ZNF398: variants seen among roughly 807,000 people sequenced by gnomAD.
ZNF398 encodes zinc finger DNA binding protein ZER6.
A neutral mutation model predicts 41.9 loss-of-function variants in ZNF398; 18 were observed. The ratio of observed to expected loss-of-function variants is 0.43; its 90% confidence interval spans 0.30 to 0.64. The LOEUF (loss-of-function observed/expected upper bound fraction) is 0.64. Ranked by LOEUF, ZNF398 falls within the 30% of genes least tolerant of loss-of-function variation. The pLI is 0.14. For synonymous variants in ZNF398, 260 were observed against 308.8 expected, an observed-to-expected ratio of 0.84 and a Z score of 1.66; for missense variants, 669 against 822.8, an observed-to-expected ratio of 0.81 and a Z score of 2.29.
At chr7:149,168,299 A>G (rs1795264962) in intron 4 of ZNF398, among the ~76,000 whole-genome samples, 1 of 151,772 alleles carries the variant, frequency 6.6e-6, no homozygotes, top group South Asian at 2.1e-4. Flanking sequence ...ACTGGTCTCG[A>G]ACTCCTGACC....
intron 4 of ZNF398, among the ~76,000 whole-genome samples, 170 bp from the exon 5 acceptor site, chr7:149,176,298 C>T (rs907368547): frequency 3.3e-5 from 5 of 151,976 alleles, no homozygotes; most frequent in African/African-American, 1.2e-4. Flanking sequence ...AGTGAGCCAT[C>T]GTGCCACTGC....
chr7:149,167,598 C>T (rs1172327029), intron 4 of ZNF398, among the ~76,000 whole-genome samples: 2 of 151,888 alleles, frequency 1.3e-5, no homozygotes, highest in African/African-American at 2.4e-5. Context: ...ACAACCCACC[C>T]GCTATCCCAT....
chr7:149,155,864 C>T (rs961325910), intron 2 of ZNF398, among the ~76,000 whole-genome samples: 2 of 151,218 alleles, frequency 1.3e-5, no homozygotes, highest in African/African-American at 4.9e-5. Context: ...GTAGCTGGGA[C>T]TACAGGCGTC....
At chr7:149,157,357 AC>A (rs1795003039) in intron 2 of ZNF398, among the ~76,000 whole-genome samples, 2 of 150,812 alleles carry the variant, frequency 1.3e-5, no homozygotes, top group Admixed American at 1.3e-4. Flanking sequence ...ACACGGCGAA[AC>A]CCCGTCTCTA....
rs1343349047 is a variant in ZNF398, at chr7:149,179,208, C to T, written c.1336C>T (p.Arg446Trp). 1.2e-5 allele frequency: 19 copies of T among 1,613,596 alleles called. No individual in the cohort carries two copies. In the South Asian group the frequency reaches 1.3e-4, roughly 11 times the overall value. The change falls in exon 6 of 6, where the codon CGG (arginine) becomes TGG (tryptophan). Residue 446 changes from arginine (R) to tryptophan (W), a missense_variant. Physicochemically the swap from Arg to Trp is moderately radical, Grantham distance 101. Coordinates refer to ENST00000475153, the MANE Select transcript of ZNF398 (RefSeq NM_170686.3). The surrounding 1 kb of genome is among the most constrained non-coding windows in gnomAD (Gnocchi z 6.1). Reference protein sequence around the residue: ...FADQARLTSHRRAHASERPFR... With the variant: ...FADQARLTSHWRAHASERPFR... ...TGACCAGGCTCGACTCACCAGCCAC[C>T]GGAGAGCTCATGCAAGCGAAAGGCC...
chr7:149,132,190 CTCTCT>C (rs761584164), intron 2 of ZNF398, among the ~76,000 whole-genome samples: 1,256 of 119,176 alleles, frequency 0.011, 9 homozygotes, highest in Middle Eastern at 0.036. Flanking sequence ...TATATTCTCT[CTCTCT>C]TTTTTTTTTT....
upstream of ZNF398, among the ~76,000 whole-genome samples, chr7:149,144,822 T>C (rs1306019444): frequency 1.3e-5 from 2 of 150,096 alleles, no homozygotes; most frequent in African/African-American, 4.9e-5. Flanking sequence ...CTCCTGACCT[T>C]AGGCGATCCA....
intron 4 of ZNF398, among the ~76,000 whole-genome samples, chr7:149,175,191 T>A (rs1305485054): frequency 1.3e-5 from 2 of 152,110 alleles, no homozygotes; most frequent in Non-Finnish European, 2.9e-5. Context: ...TTAGAAGACA[T>A]TGGGTAAAGT....
chr7:149,143,046 A>C (rs1243774706), upstream of ZNF398, among the ~76,000 whole-genome samples: 1 of 152,100 alleles, frequency 6.6e-6, no homozygotes. Context: ...TCAACCTCCC[A>C]GGCTCAGGTG....
intron 2 of ZNF398, among the ~76,000 whole-genome samples, chr7:149,130,781 T>C (rs1399872382): frequency 6.6e-6 from 1 of 152,150 alleles, no homozygotes; most frequent in African/African-American, 2.4e-5. Context: ...AAGGCTTTAA[T>C]TGGGTGTTAC....
Position 149,154,281 on chromosome 7 carries a change from C to A in ZNF398, c.361C>A (p.Arg121Ser). The A allele has an allele frequency of 1.9e-6, 3 of 1,614,060 alleles. No homozygotes were observed. Among genetic ancestry groups the A allele is most frequent in the Non-Finnish European group, 2.5e-6 (3 of 1,180,004 alleles). The change falls in exon 2 of 6, where the codon CGC (arginine) becomes AGC (serine). Residue 121 changes from arginine (R) to serine (S), a missense_variant. Physicochemically the swap from Arg to Ser is moderately radical, Grantham distance 110 (BLOSUM62 -1). This residue lies in a region of ZNF398 where 169 missense variants were observed against 239.5 expected (regional missense o/e 0.71). Coordinates refer to ENST00000475153, the MANE Select transcript of ZNF398 (RefSeq NM_170686.3). ...GCTGGAGAACTTGGAGAACCTGCTG[C>A]GCAACAGGAACTTCTGGATCCTGCG... Reference protein sequence around the residue: ...RRLENLENLLRNRNFWILRLP... With the variant: ...RRLENLENLLSNRNFWILRLP...
At chr7:149,141,592 C>T (rs1181847941) in intron 2 of ZNF398, among the ~76,000 whole-genome samples, 1 of 151,862 alleles carries the variant, frequency 6.6e-6, no homozygotes, top group African/African-American at 2.4e-5. Flanking sequence ...GTAGCTGGGA[C>T]TACAGGCGCC....
At position 149,154,042 on chromosome 7, in the gene ZNF398, T is replaced by C. The variant is rs1276483303; in HGVS notation, c.122T>C (p.Ile41Thr). The C allele has an allele frequency of 1.9e-6, 3 of 1,614,134 alleles. No individual in the cohort carries two copies. Residue 41 changes from isoleucine to threonine, a missense_variant, in exon 2 of 6, where the codon ATC (isoleucine) becomes ACC (threonine). Physicochemically the swap from Ile to Thr is moderately conservative, Grantham distance 89. Coordinates refer to ENST00000475153, the MANE Select transcript of ZNF398 (RefSeq NM_170686.3). ...GAGGCACACCTGCAGACAGCAGCTATCTCTCTGTGGACAGTGGTGGCCGCC... is the reference window on the plus strand; with the variant it reads ...GAGGCACACCTGCAGACAGCAGCTACCTCTCTGTGGACAGTGGTGGCCGCC... Reference protein sequence around the residue: ...ANEAHLQTAAISLWTVVAAVQ... With the variant: ...ANEAHLQTAATSLWTVVAAVQ...
At chr7:149,161,612 CCAGATT>C (rs540804457) in intron 2 of ZNF398, among the ~76,000 whole-genome samples, 7 of 152,064 alleles carry the variant, frequency 4.6e-5, no homozygotes, top group Non-Finnish European at 7.4e-5. Context: ...CAACTAGTTA[CCAGATT>C]CTGAATGCCT....
intron 2 of ZNF398, among the ~76,000 whole-genome samples, chr7:149,132,982 C>T (rs1826629169): frequency 6.6e-6 from 1 of 152,080 alleles, no homozygotes; most frequent in Non-Finnish European, 1.5e-5. Flanking sequence ...ACTTCCTTAC[C>T]CTCACTATCT....
In ZNF398 at chr7:149,179,740, A is replaced by G; in HGVS notation, c.1868A>G (p.Asn623Ser). ...CTTGAAACTTCTGGCCTGGGTGTCA[A>G]CACTGAAGGTCTAGAGACCAACCAG... is the stretch of plus-strand genomic sequence containing the variant. ...TGLETSGLGV[N>S]TEGLETNQWY... Residue 623 changes from asparagine (N) to serine (S), a missense_variant, in exon 6 of 6, where the codon AAC becomes AGC. This residue lies in a region of ZNF398 where 210 missense variants were observed against 290.4 expected (regional missense o/e 0.72). Transcript: ENST00000475153. This position sits in a 1 kb window ranked among gnomAD's most constrained non-coding sequence, Gnocchi z 6.1. 1 of 1,613,260 alleles carries G rather than the reference A, an allele frequency of 6.2e-7. No individual in the cohort carries two copies. Among genetic ancestry groups the G allele is most frequent in the African/African-American group, 1.3e-5 (1 of 75,036 alleles).
At chr7:149,151,235 G>T in intron 1 of ZNF398, 1 of 1,235,350 alleles carries the variant, frequency 8.1e-7, no homozygotes. Context: ...TTACAGGAAT[G>T]GAGAAAGAAT....
At chr7:149,143,119 G>A (rs1826861801), upstream of ZNF398, among the ~76,000 whole-genome samples, 1 of 147,116 alleles carries the variant, frequency 6.8e-6, no homozygotes, top group African/African-American at 2.5e-5. Context: ...CAGGCGCGGT[G>A]GCCAGAGCGA....
intron 2 of ZNF398, among the ~76,000 whole-genome samples, chr7:149,161,205 A>G (rs752983212): frequency 1.3e-5 from 2 of 151,908 alleles, no homozygotes; most frequent in Non-Finnish European, 2.9e-5. Flanking sequence ...TTTCTTTCCT[A>G]GTAGAGACAA....
Sources: allele counts gnomAD v4.1 joint callset (sites outside exome capture counted in the v4.1 genomes callset), GRCh38; gene constraint gnomAD v4.1.1; regional missense constraint gnomAD v4.1.1; non-coding constraint Gnocchi (gnomAD v3.1); transcripts MANE v1.5; gene names NCBI Gene and HGNC (gene_info 2026-07-23, HGNC 2026-07-21).